RAB3B: variants seen among roughly 807,000 people sequenced by gnomAD.
RAB3B encodes RAB3B, member RAS oncogene family.
A neutral mutation model predicts 20.5 loss-of-function variants in RAB3B; 11 were observed. The ratio of observed to expected loss-of-function variants is 0.54; its 90% CI spans 0.34 to 0.89. The LOEUF (loss-of-function observed/expected upper bound fraction) is 0.89. Ranked by LOEUF, RAB3B falls within the 40% of genes least tolerant of loss-of-function variation. The pLI is 0.02. For synonymous variants in RAB3B, 99 were observed against 106.3 expected, an observed-to-expected ratio of 0.93 and a Z score of 0.42; for missense variants, 225 against 280.9, an observed-to-expected ratio of 0.80 and a Z score of 1.42.
At chr1:51,949,120 T>C (rs1249173522) in intron 2 of RAB3B, among the ~76,000 whole-genome samples, 1 of 152,196 alleles carries the variant, frequency 6.6e-6, no homozygotes, top group African/African-American at 2.4e-5. Context: ...TCCCTGCTAG[T>C]TCCTTTCCTG....
chr1:51,928,851 C>T (rs944612496), intron 4 of RAB3B, among the ~76,000 whole-genome samples: 1 of 152,206 alleles, frequency 6.6e-6, no homozygotes, highest in African/African-American at 2.4e-5. Context: ...CTACTCTTTG[C>T]CTGGCTAGCC....
At chr1:51,967,103 A>T (rs1326994240) in intron 2 of RAB3B, among the ~76,000 whole-genome samples, 1 of 152,226 alleles carries the variant, frequency 6.6e-6, no homozygotes, top group Non-Finnish European at 1.5e-5. Context: ...AACTGAGGTC[A>T]GGAGTTTGAA....
At chr1:51,934,651 C>A (rs1023219371) in intron 3 of RAB3B, among the ~76,000 whole-genome samples, 1 of 151,578 alleles carries the variant, frequency 6.6e-6, no homozygotes, top group East Asian at 1.9e-4. Context: ...TGGCAGGCGT[C>A]TGTAGTCCCA....
chr1:51,943,150 G>A (rs1010792062), intron 2 of RAB3B, among the ~76,000 whole-genome samples: 2 of 152,226 alleles, frequency 1.3e-5, no homozygotes, highest in African/African-American at 2.4e-5. Flanking sequence ...TTGGGAGGCC[G>A]AGGCAGGTGG....
chr1:51,969,539 C>G (rs1325912382), intron 2 of RAB3B, among the ~76,000 whole-genome samples: 1 of 152,132 alleles, frequency 6.6e-6, no homozygotes, highest in Non-Finnish European at 1.5e-5. Flanking sequence ...CTTTCTGACT[C>G]CAGAGTAAAG....
rs143902626 is a variant in RAB3B, at chr1:51,919,754, G to C, written c.*173C>G. The C allele has an allele frequency of 1.0e-4, 62 of 591,166 alleles. No homozygotes were observed. In the African/African-American group the frequency reaches 1.1e-3, roughly 11 times the overall value. 36.6% of individuals were successfully genotyped at this position (591,166 alleles called of 1,614,324 possible). Reference sequence around the variant, plus strand: ...GTCTAGTGCTGAGTATCTATTACTGGGACCATCTGCAGAGAACCCCAGGGG... The same window carrying C: ...GTCTAGTGCTGAGTATCTATTACTGCGACCATCTGCAGAGAACCCCAGGGG... On this transcript the variant is annotated 3_prime_UTR_variant, in exon 5 of 5. Coordinates refer to ENST00000371655, the MANE Select transcript of RAB3B (RefSeq NM_002867.4).
At chr1:51,954,722 A>C (rs1684683840) in intron 2 of RAB3B, among the ~76,000 whole-genome samples, 1 of 152,214 alleles carries the variant, frequency 6.6e-6, no homozygotes, top group African/African-American at 2.4e-5. Flanking sequence ...GGGAGAAAGC[A>C]AGCAGTTCCA....
chr1:51,954,244 G>A (rs1392314472), intron 2 of RAB3B, among the ~76,000 whole-genome samples: 1 of 152,182 alleles, frequency 6.6e-6, no homozygotes, highest in African/African-American at 2.4e-5. Flanking sequence ...AAAGTACAAT[G>A]AACTCATCAA....
chr1:51,932,017 A>G (rs984803995), intron 4 of RAB3B, among the ~76,000 whole-genome samples: 2 of 152,026 alleles, frequency 1.3e-5, no homozygotes, highest in Non-Finnish European at 2.9e-5. Context: ...GACTCTGAGA[A>G]CCTCTGTGAT....
intron 3 of RAB3B, among the ~76,000 whole-genome samples, chr1:51,936,105 C>T (rs953403589): frequency 9.9e-5 from 15 of 152,176 alleles, no homozygotes; most frequent in Non-Finnish European, 2.1e-4. Context: ...GAGAAGGAGA[C>T]AAGCCCAGCA....
At chr1:51,931,017 CA>C (rs577394891) in intron 4 of RAB3B, among the ~76,000 whole-genome samples, 14 of 144,994 alleles carry the variant, frequency 9.7e-5, no homozygotes, top group African/African-American at 1.5e-4. Flanking sequence ...AACTCCATCT[CA>C]AAAAAAAAAA....
rs1683941981 is a variant in RAB3B, at chr1:51,907,992, T to C, written c.*11935A>G. On this transcript the variant is annotated 3_prime_UTR_variant, in exon 5 of 5. Transcript: ENST00000371655. ...AGAACTTTAATGCATATACCATCATTGCCACTATAATAGAGATAGAAGATA... is the reference window on the plus strand; with the variant it reads ...AGAACTTTAATGCATATACCATCATCGCCACTATAATAGAGATAGAAGATA... 1 of 152,190 alleles carries C rather than the reference T, an allele frequency of 6.6e-6. No homozygotes were observed. The highest frequency in any genetic ancestry group is 6.6e-5 in the Admixed American group (1 of 15,252). 9.4% of individuals were successfully genotyped at this position (152,190 alleles called of 1,614,324 possible). A position where few individuals can be genotyped will look rare whatever the true frequency, so the allele number is the denominator to read the frequency against.
In RAB3B at chr1:51,910,409, C is replaced by T. The variant is rs1683982115; in HGVS notation, c.*9518G>A. 6.6e-6 allele frequency: 1 copy of T among 152,128 alleles called. No individual in the cohort carries two copies. Among genetic ancestry groups the T allele is most frequent in the African/African-American group, 2.4e-5 (1 of 41,422 alleles). 9.4% of individuals were successfully genotyped at this position (152,128 alleles called of 1,614,324 possible). On this transcript the variant is annotated 3_prime_UTR_variant, in exon 5 of 5. Coordinates refer to ENST00000371655, the MANE Select transcript of RAB3B (RefSeq NM_002867.4). ...CTTTTCAAACAAATGGGACTGTGCT[C>T]TATTCTCAACAAGTGTCAGAGATTC... is the stretch of plus-strand genomic sequence containing the variant.
chr1:51,984,280 A>G (rs1426041265), intron 1 of RAB3B, among the ~76,000 whole-genome samples: 2 of 147,764 alleles, frequency 1.4e-5, no homozygotes, highest in African/African-American at 4.9e-5. Flanking sequence ...AAAAAAAAAA[A>G]AAAAAAAAAA....
chr1:51,990,107 G>A, intron 1 of RAB3B, among the ~76,000 whole-genome samples: 1 of 23,278 alleles, frequency 4.3e-5, no homozygotes, highest in Non-Finnish European at 8.1e-5. Context: ...GCCTCCCCCC[G>A]CACCCCCGCT....
At chr1:51,978,900 TGAA>T in intron 1 of RAB3B, among the ~76,000 whole-genome samples, 1 of 152,248 alleles carries the variant, frequency 6.6e-6, no homozygotes, top group East Asian at 1.9e-4. Context: ...AAAGCTCTCT[TGAA>T]GAAAAGTTAG....
Position 51,934,510 on chromosome 1 carries a change from G to A in RAB3B, c.348-1068C>T, listed in dbSNP as rs560374405. ...TTTTTGGCCGGGTGCGCTGGCCCAC[G>A]CCTGTAATCCCAGCACTTTGTGAGG... On this transcript the variant is annotated intron_variant, in intron 3 of 4. Coordinates refer to ENST00000371655, the MANE Select transcript of RAB3B (RefSeq NM_002867.4). 2.8e-4 allele frequency among the ~76,000 whole-genome samples: 42 copies of A among 152,186 alleles called. No homozygotes were observed. In the East Asian group the frequency reaches 6.8e-3, roughly 24 times the overall value.
chr1:51,976,827 G>T, intron 2 of RAB3B, 63 bp downstream of exon 2: 1 of 1,453,102 alleles, frequency 6.9e-7, no homozygotes, highest in Non-Finnish European at 9.6e-7. Context: ...CCACCTCTAA[G>T]CCCTTGTACT....
chr1:51,986,844 G>A (rs561206130), intron 1 of RAB3B, among the ~76,000 whole-genome samples: 1 of 152,344 alleles, frequency 6.6e-6, no homozygotes, highest in South Asian at 2.1e-4. Flanking sequence ...GGGCTACTCA[G>A]ACATTTGGAA....
Sources: allele counts gnomAD v4.1 joint callset (sites outside exome capture counted in the v4.1 genomes callset), GRCh38; gene constraint gnomAD v4.1.1; transcripts MANE v1.5; gene names NCBI Gene and HGNC (gene_info 2026-07-23, HGNC 2026-07-21).